Variants in COL22A1 observed in about 807,000 individuals in gnomAD.
COL22A1 encodes the protein collagen alpha-1(XXII) chain.
In COL22A1, 221 loss-of-function variants were observed where a neutral mutation model predicts 248.9. The ratio of observed to expected loss-of-function variants is 0.89; its 90% CI spans 0.80 to 0.99. The LOEUF is 0.99. Ranked by LOEUF, COL22A1 falls within the 50% of genes least tolerant of loss-of-function variation. COL22A1 has a pLI of 0.00. For synonymous variants in COL22A1, 891 were observed against 793.4 expected (o/e 1.12, Z -2.07); for missense variants, 2,240 against 2,179.0 (o/e 1.03, Z -0.56).
chr8:138,596,568 G>T (rs1817553419), intron 62 of COL22A1, among the ~76,000 whole-genome samples: 1 of 152,162 alleles, frequency 6.6e-6, no homozygotes, highest in Non-Finnish European at 1.5e-5. Context: ...GTTTCATGAG[G>T]CTCATAGCAG....
chr8:138,648,147 T>C (rs528674910), intron 46 of COL22A1, among the ~76,000 whole-genome samples: 47 of 152,370 alleles, frequency 3.1e-4, no homozygotes, highest in African/African-American at 1.1e-3. Context: ...GAGAATTTAA[T>C]TAGGTGAAAT....
intron 59 of COL22A1, among the ~76,000 whole-genome samples, 176 bp from the exon 60 acceptor site, chr8:138,602,335 T>G (rs2131835917): frequency 6.6e-6 from 1 of 152,248 alleles, no homozygotes; most frequent in Middle Eastern, 3.4e-3. Context: ...GGCGGCACAC[T>G]GTGCCTTCTC....
At chr8:138,770,228 C>T (rs919234137) in intron 16 of COL22A1, among the ~76,000 whole-genome samples, 2 of 152,188 alleles carry the variant, frequency 1.3e-5, no homozygotes, top group African/African-American at 4.8e-5. Context: ...AGCCACCCAA[C>T]GTTGTCTGGG....
intron 53 of COL22A1, among the ~76,000 whole-genome samples, chr8:138,617,402 C>T (rs960477454): frequency 1.3e-5 from 2 of 152,122 alleles, no homozygotes; most frequent in African/African-American, 4.8e-5. Context: ...GTGGCCATTG[C>T]TGGTCCTACC....
intron 11 of COL22A1, among the ~76,000 whole-genome samples, chr8:138,799,550 T>C (rs1816827877): frequency 6.6e-6 from 1 of 152,198 alleles, no homozygotes; most frequent in Non-Finnish European, 1.5e-5. Context: ...AGTGTTCATC[T>C]CTGAGGCCAA....
chr8:138,660,336 T>C (rs928069124), intron 44 of COL22A1, 100 bp downstream of exon 44: 2 of 1,004,498 alleles, frequency 2.0e-6, no homozygotes, highest in Middle Eastern at 2.1e-4. Context: ...TGTCAAATGT[T>C]CCTTTGTTAA....
intron 1 of COL22A1, among the ~76,000 whole-genome samples, chr8:138,891,828 G>A (rs944069870): frequency 6.6e-6 from 1 of 152,230 alleles, no homozygotes; most frequent in Non-Finnish European, 1.5e-5. Flanking sequence ...TTACAAGAAG[G>A]AGAGGACAAG....
chr8:138,714,742 C>A (rs567106913), intron 30 of COL22A1, among the ~76,000 whole-genome samples: 1 of 152,142 alleles, frequency 6.6e-6, no homozygotes, highest in Non-Finnish European at 1.5e-5. Flanking sequence ...CCTCTCTGTG[C>A]ACTTCAGGGC....
At chr8:138,868,981 C>T (rs530296353) in intron 3 of COL22A1, among the ~76,000 whole-genome samples, 3 of 152,310 alleles carry the variant, frequency 2.0e-5, no homozygotes, top group South Asian at 4.2e-4. Context: ...ATCCACCTGC[C>T]TCAGCCTCCA....
chr8:138,737,727 A>C lies in COL22A1; in HGVS notation c.2086-150T>G, dbSNP rs1831235253. ...CCTCAGGAGTGCCCCACAGAGGAAC[A>C]ATGTGGGATCAGAAAAAGGACTCAG... On this transcript the variant is annotated intron_variant, in intron 22 of 64. Coordinates refer to ENST00000303045, the MANE Select transcript of COL22A1 (RefSeq NM_152888.3). 3 of 605,960 alleles carry C rather than the reference A, an allele frequency of 5.0e-6. No homozygotes were observed. In the East Asian group the frequency reaches 8.4e-5, roughly 17 times the overall value. The allele number at this position is 605,960 out of a possible 1,614,324, so 37.5% of individuals were successfully genotyped here.
At chr8:138,908,945 CT>C (rs1159852322) in intron 1 of COL22A1, among the ~76,000 whole-genome samples, 1 of 152,212 alleles carries the variant, frequency 6.6e-6, no homozygotes, top group African/African-American at 2.4e-5. Context: ...CCCTCTGCCC[CT>C]GGAGATGGGC....
chr8:138,904,364 A>AC (rs1007330277), intron 1 of COL22A1, among the ~76,000 whole-genome samples: 1 of 151,142 alleles, frequency 6.6e-6, no homozygotes, highest in African/African-American at 2.4e-5. Context: ...ACCACCCGCC[A>AC]CCCCCTGCTG....
chr8:138,812,756 C>T (rs1395063268), intron 8 of COL22A1, among the ~76,000 whole-genome samples, 183 bp downstream of exon 8: 2 of 152,144 alleles, frequency 1.3e-5, no homozygotes, highest in Non-Finnish European at 2.9e-5. Context: ...ACCACAGTAG[C>T]CCTGGAGGAA....
At chr8:138,598,611 C>T (rs1289193810) in intron 61 of COL22A1, 108 bp downstream of exon 61, 2 of 1,092,492 alleles carry the variant, frequency 1.8e-6, no homozygotes, top group South Asian at 1.6e-5. Flanking sequence ...CCTTCAGTCA[C>T]TAGAAGACTG....
chr8:138,777,986 T>C (rs1219618824), intron 15 of COL22A1: 2 of 348,358 alleles, frequency 5.7e-6, no homozygotes, highest in Non-Finnish European at 1.1e-5. Flanking sequence ...GGGCTAAGAA[T>C]TCAGTAGACT....
At chr8:138,658,890 TCTCTCTCC>T (rs1257081644) in intron 44 of COL22A1, among the ~76,000 whole-genome samples, 1 of 133,244 alleles carries the variant, frequency 7.5e-6, no homozygotes, top group Non-Finnish European at 1.6e-5. Context: ...CTCTTCTCTC[TCTCTCTCC>T]CTCTCTCTCT....
intron 40 of COL22A1, among the ~76,000 whole-genome samples, chr8:138,678,727 G>T (rs1272574224): frequency 1.3e-5 from 2 of 152,114 alleles, no homozygotes; most frequent in Non-Finnish European, 2.9e-5. Flanking sequence ...TCTAGGTCCA[G>T]TCTCAGGACC....
At chr8:138,605,380 G>A (rs1818343287) in intron 58 of COL22A1, among the ~76,000 whole-genome samples, 1 of 152,186 alleles carries the variant, frequency 6.6e-6, no homozygotes, top group African/African-American at 2.4e-5. Flanking sequence ...AGCAATTGCT[G>A]CAGTGCATCC....
At chr8:138,654,973 G>C (rs1193872342) in intron 45 of COL22A1, among the ~76,000 whole-genome samples, 4 of 152,190 alleles carry the variant, frequency 2.6e-5, no homozygotes, top group Non-Finnish European at 5.9e-5. Flanking sequence ...TGGCCCAGCA[G>C]GACCCAGGTC....
Sources: allele counts gnomAD v4.1 joint callset (sites outside exome capture counted in the v4.1 genomes callset), GRCh38; gene constraint gnomAD v4.1.1; transcripts MANE v1.5; gene names NCBI Gene and HGNC (gene_info 2026-07-23, HGNC 2026-07-21).